SLC26A4: variants seen among roughly 807,000 people sequenced by gnomAD.
SLC26A4 encodes pendrin.
A neutral mutation model predicts 90.4 loss-of-function variants in SLC26A4; 93 were observed. That is an observed-to-expected ratio of 1.03 (90% confidence interval 0.87 to 1.22). The LOEUF (loss-of-function observed/expected upper bound fraction) is 1.22, where lower values mean the gene tolerates loss of function less well. Among genes scored for constraint, SLC26A4 ranks in the 50% most tolerant of loss-of-function variants. The pLI, the probability that SLC26A4 is intolerant of heterozygous loss-of-function variation, is 0.00. For synonymous variants in SLC26A4, 393 were observed against 354.6 expected (o/e 1.11, Z -1.22); for missense variants, 1,127 against 946.2 (o/e 1.19, Z -2.51).
intron 8 of SLC26A4, among the ~76,000 whole-genome samples, chr7:107,686,899 GC>G (rs1033482975): frequency 6.6e-6 from 1 of 152,196 alleles, no homozygotes; most frequent in Non-Finnish European, 1.5e-5. Context: ...TAAAGTATGT[GC>G]TTTGCAGTTG....
In SLC26A4 at chr7:107,683,250, T is replaced by G; in HGVS notation, c.814T>G (p.Phe272Val). The change falls in exon 7 of 21, where the codon TTC becomes GTC. Residue 272 changes from phenylalanine (F) to valine (V), a missense_variant. By Grantham distance (50) the Phe-to-Val change is conservative. Coordinates refer to ENST00000644269, the MANE Select transcript of SLC26A4 (RefSeq NM_000441.2). ...QNIGDTNLAD[F>V]TAGLLTIVVC... Reference sequence around the variant, plus strand: ...TATTGGTGATACCAATCTTGCTGATTTCACTGCTGGATTGCTCACCATTGT... The same window carrying G: ...TATTGGTGATACCAATCTTGCTGATGTCACTGCTGGATTGCTCACCATTGT... The G allele has an allele frequency of 6.2e-7, 1 of 1,613,108 alleles. No homozygotes were observed. The highest frequency in any genetic ancestry group is 2.2e-5 in the East Asian group (1 of 44,866).
chr7:107,669,748 T>C (rs1790814471), intron 3 of SLC26A4, among the ~76,000 whole-genome samples: 1 of 152,196 alleles, frequency 6.6e-6, no homozygotes, highest in Non-Finnish European at 1.5e-5. Context: ...AGAAAATACA[T>C]ATAAGGAACA....
rs1792329122 is a variant in SLC26A4 at position 107,715,719 on chromosome 7, G to A, written c.*273G>A. On this transcript the variant is annotated 3_prime_UTR_variant, in exon 21 of 21. Coordinates refer to ENST00000644269, the MANE Select transcript of SLC26A4 (RefSeq NM_000441.2). The stretch of plus-strand genomic sequence containing the variant: ...TCTACATCACAGATTTGCTAATAAT[G>A]TTCACGTGGGCCCTGGCATATCTCT... 5.8e-6 allele frequency: 3 copies of A among 514,566 alleles called. No individual in the cohort carries two copies. Among genetic ancestry groups the A allele is most frequent in the South Asian group, 4.7e-5 (2 of 42,784 alleles). 31.9% of individuals were successfully genotyped at this position (514,566 alleles called of 1,614,324 possible). A position where few individuals can be genotyped will look rare whatever the true frequency, so the allele number is the denominator to read the frequency against.
chr7:107,693,431 G>A, intron 10 of SLC26A4: 1 of 985,414 alleles, frequency 1.0e-6, no homozygotes, highest in Non-Finnish European at 1.2e-6. Flanking sequence ...TGCTGTGTCT[G>A]TCTCCCGTAA....
chr7:107,690,379 C>G (rs1198371519), intron 10 of SLC26A4, 142 bp downstream of exon 10: 1 of 680,468 alleles, frequency 1.5e-6, no homozygotes, highest in Non-Finnish European at 2.7e-6. Flanking sequence ...GCCTATTCCT[C>G]TTGTTCCACT....
intron 11 of SLC26A4, 25 bp from the exon 12 acceptor site, chr7:107,694,596 C>T: frequency 6.3e-7 from 1 of 1,582,878 alleles, no homozygotes; most frequent in Non-Finnish European, 8.7e-7. Flanking sequence ...CTGAATAACA[C>T]AGCCTTCTCT....
rs1790566791 is a variant in SLC26A4, at chr7:107,661,882, C to A, written c.164+77C>A. On this transcript the variant is annotated intron_variant, in intron 2 of 20. Coordinates refer to ENST00000644269, the MANE Select transcript of SLC26A4 (RefSeq NM_000441.2). The surrounding 1 kb of genome is among the most constrained non-coding windows in gnomAD (Gnocchi z 5.1). Reference sequence around the variant, plus strand: ...CTTGGGGAGGGAAGGGCGTCCCCAGCGGGCGAGAGTGGGGTGCGGGCGGCG... The same window carrying A: ...CTTGGGGAGGGAAGGGCGTCCCCAGAGGGCGAGAGTGGGGTGCGGGCGGCG... 3 of 1,457,640 alleles carry A rather than the reference C, an allele frequency of 2.1e-6. No individual in the cohort carries two copies. The highest frequency in any genetic ancestry group is 2.7e-6 in the Non-Finnish European group (3 of 1,091,792). 90.3% of individuals were successfully genotyped at this position (1,457,640 alleles called of 1,614,324 possible). A position where few individuals can be genotyped will look rare whatever the true frequency, so the allele number is the denominator to read the frequency against.
intron 8 of SLC26A4, among the ~76,000 whole-genome samples, chr7:107,684,384 G>T (rs73191614): frequency 0.011 from 1,620 of 152,240 alleles, 10 homozygotes; most frequent in Non-Finnish European, 0.015. Flanking sequence ...GGAGGGAAGG[G>T]CACGGAGCCA....
chr7:107,661,353 A>C lies in SLC26A4; in HGVS notation c.-3-286A>C. ...ATAGGGGACTGGGTGGAACTCGGGA[A>C]GCCCCCAGAGCAGGGGCTTACTCGC... On this transcript the variant is annotated intron_variant, in intron 1 of 20. Coordinates refer to ENST00000644269, the MANE Select transcript of SLC26A4 (RefSeq NM_000441.2). This position sits in a 1 kb window ranked among gnomAD's most constrained non-coding sequence, Gnocchi z 5.1. 1.9e-6 allele frequency: 1 copy of C among 536,102 alleles called. No individual in the cohort carries two copies. Among genetic ancestry groups the C allele is most frequent in the Non-Finnish European group, 3.4e-6 (1 of 297,462 alleles). The allele number at this position is 536,102 out of a possible 1,614,324, so 33.2% of individuals were successfully genotyped here. A position where few individuals can be genotyped will look rare whatever the true frequency, so the allele number is the denominator to read the frequency against.
intron 3 of SLC26A4, among the ~76,000 whole-genome samples, chr7:107,671,523 A>C (rs1790865958): frequency 6.6e-6 from 1 of 152,202 alleles, no homozygotes; most frequent in Non-Finnish European, 1.5e-5. Flanking sequence ...TGGAAGACTG[A>C]ATTACTGATC....
At chr7:107,682,418 C>T (rs1344107928) in intron 6 of SLC26A4, among the ~76,000 whole-genome samples, 1 of 151,836 alleles carries the variant, frequency 6.6e-6, no homozygotes, top group African/African-American at 2.4e-5. Context: ...ATTATAAAAT[C>T]AAATTTTTTA....
At chr7:107,704,533 G>A (rs1392498763) in intron 18 of SLC26A4, 148 bp downstream of exon 18, 1 of 586,714 alleles carries the variant, frequency 1.7e-6, no homozygotes, top group South Asian at 2.0e-5. Flanking sequence ...CTGGAATCTG[G>A]CACTGCTTCA....
intron 18 of SLC26A4, 108 bp downstream of exon 18, chr7:107,704,493 T>G: frequency 3.2e-6 from 2 of 625,506 alleles, no homozygotes; most frequent in South Asian, 3.5e-5. Flanking sequence ...TTTTTTCTTT[T>G]AAAGATCTCA....
chr7:107,685,511 C>T (rs1791372148), intron 8 of SLC26A4, among the ~76,000 whole-genome samples: 1 of 152,154 alleles, frequency 6.6e-6, no homozygotes, highest in African/African-American at 2.4e-5. Context: ...ATTGAGGGTC[C>T]ATAAGTTAGG....
chr7:107,710,097 C>T lies in SLC26A4; in HGVS notation c.2133C>T (p.Asp711=). ...TGGAGCAATGCGGGTTCTTTGACGA[C>T]AACATTAGAAAGGACACATTCTTTT... ...EKLEQCGFFD[D]NIRKDTFFLT... The change falls in exon 19 of 21, where the codon GAC becomes GAT. Residue 711 remains aspartate (D), a synonymous_variant. Coordinates refer to ENST00000644269, the MANE Select transcript of SLC26A4 (RefSeq NM_000441.2). 6.2e-7 allele frequency: 1 copy of T among 1,611,500 alleles called. No individual in the cohort carries two copies. The highest frequency in any genetic ancestry group is 1.1e-5 in the South Asian group (1 of 91,038).
chr7:107,686,407 TTC>T (rs1485243272), intron 8 of SLC26A4, among the ~76,000 whole-genome samples: 11 of 40,460 alleles, frequency 2.7e-4, no homozygotes, highest in Non-Finnish European at 5.0e-4. Context: ...TCTCTCTTTT[TTC>T]TTTCTTTCTT....
Position 107,694,632 on chromosome 7 carries a change from A to T in SLC26A4, c.1353A>T (p.Ala451=). Residue 451 remains alanine, a synonymous_variant, in exon 12 of 21, where the codon GCA becomes GCT. Transcript: ENST00000644269. ...LLEPLQKSVL[A]AVVIANLKGM... ...GTCTCTCTTGGCAGTCGGTCTTGGC[A>T]GCTGTTGTAATTGCCAACCTGAAAG... The T allele has an allele frequency of 6.2e-7, 1 of 1,612,982 alleles. No homozygotes were observed. The highest frequency in any genetic ancestry group is 8.5e-7 in the Non-Finnish European group (1 of 1,178,930).
At chr7:107,672,947 G>T (rs1217872224) in intron 4 of SLC26A4, among the ~76,000 whole-genome samples, 1 of 152,184 alleles carries the variant, frequency 6.6e-6, no homozygotes, top group Non-Finnish European at 1.5e-5. Context: ...GGCTAGACAT[G>T]TCTACCTCGA....
chr7:107,671,362 G>A (rs1001821594), intron 3 of SLC26A4, among the ~76,000 whole-genome samples: 1 of 151,996 alleles, frequency 6.6e-6, no homozygotes, highest in African/African-American at 2.4e-5. Flanking sequence ...GTCTTGCTAT[G>A]TTTTCCAGGC....
Sources: allele counts gnomAD v4.1 joint callset (sites outside exome capture counted in the v4.1 genomes callset), GRCh38; gene constraint gnomAD v4.1.1; non-coding constraint Gnocchi (gnomAD v3.1); transcripts MANE v1.5; gene names NCBI Gene and HGNC (gene_info 2026-07-23, HGNC 2026-07-21).